Variants in TSHZ3 observed in about 807,000 individuals in gnomAD.
TSHZ3 encodes teashirt homolog 3.
A neutral mutation model predicts 64.5 loss-of-function variants in TSHZ3; 10 were observed. That is an observed-to-expected ratio of 0.16 (90% CI 0.10 to 0.26). TSHZ3 has a LOEUF of 0.26. TSHZ3 is among the 10% of genes least tolerant of loss of function. The probability of loss-of-function intolerance (pLI) is 1.00; values close to 1 mark genes in which losing one functional copy is unlikely to be tolerated. For missense variants in TSHZ3, 1,242 were observed against 1,421.7 expected, an observed-to-expected ratio of 0.87 and a Z score of 2.03; for synonymous variants, 608 against 593.1, an observed-to-expected ratio of 1.03 and a Z score of -0.36.
At chr19:31,258,759 T>TC (rs1360367723) in intron 1 of TSHZ3, among the ~76,000 whole-genome samples, 14 of 152,318 alleles carry the variant, frequency 9.2e-5, no homozygotes, top group African/African-American at 3.4e-4. Context: ...CAATGTAGTC[T>TC]CCCGGGGAGA....
At chr19:31,304,892 A>G (rs543280770) in intron 1 of TSHZ3, among the ~76,000 whole-genome samples, 1 of 152,372 alleles carries the variant, frequency 6.6e-6, no homozygotes, top group Non-Finnish European at 1.5e-5. Context: ...ACTCCTTGAC[A>G]TTTAGCATTC....
chr19:31,346,065 A>G (rs1210521014), intron 1 of TSHZ3, among the ~76,000 whole-genome samples: 2 of 152,212 alleles, frequency 1.3e-5, no homozygotes, highest in Non-Finnish European at 2.9e-5. Flanking sequence ...TAAGCCATAC[A>G]TAGTTTCTAT....
At position 31,249,756 on chromosome 19, in the gene TSHZ3, G is replaced by A. The variant is rs191841891; in HGVS notation, n.64-6881C>T. 1.7e-3 allele frequency among the ~76,000 whole-genome samples: 262 copies of A among 152,174 alleles called. 2 individuals are homozygous for A. The highest frequency in any genetic ancestry group is 6.0e-3 in the African/African-American group (251 of 41,550). The stretch of plus-strand genomic sequence containing the variant: ...CAGAGATAGGGCCAGACAGGCCTCC[G>A]CCCCTCCCTCTGGCAGGTCCTTCAT... On this transcript the variant is annotated intron_variant and non_coding_transcript_variant, in intron 1 of 6. Coordinates refer to the TSHZ3 transcript ENST00000651361.
At chr19:31,152,869 C>G (rs939382068) in intron 6 of TSHZ3, among the ~76,000 whole-genome samples, 4 of 152,166 alleles carry the variant, frequency 2.6e-5, no homozygotes, top group Non-Finnish European at 5.9e-5. Flanking sequence ...GGAAGCAACT[C>G]AAAGTCCCAA....
chr19:31,246,965 A>C (rs1480942934), intron 1 of TSHZ3, among the ~76,000 whole-genome samples: 2 of 152,194 alleles, frequency 1.3e-5, no homozygotes, highest in South Asian at 4.1e-4. Context: ...CACAAAAATA[A>C]ATAATGATTG....
intron 1 of TSHZ3, among the ~76,000 whole-genome samples, chr19:31,263,457 G>A (rs1299622329): frequency 1.3e-5 from 2 of 152,142 alleles, no homozygotes; most frequent in African/African-American, 4.8e-5. Context: ...CCCCAGCAGC[G>A]AGCACGAGGA....
At chr19:31,218,819 G>C (rs971166798) in intron 4 of TSHZ3, among the ~76,000 whole-genome samples, 10 of 152,330 alleles carry the variant, frequency 6.6e-5, no homozygotes, top group African/African-American at 2.2e-4. Flanking sequence ...GCTACATGCT[G>C]TATGATTCTA....
At chr19:31,310,124 T>C (rs888905749) in intron 1 of TSHZ3, among the ~76,000 whole-genome samples, 3 of 152,220 alleles carry the variant, frequency 2.0e-5, no homozygotes, top group Admixed American at 6.5e-5. Flanking sequence ...CCTGGAACTG[T>C]GGGGCCCATT....
chr19:31,169,584 G>C (rs1974507320), intron 5 of TSHZ3, among the ~76,000 whole-genome samples: 2 of 152,060 alleles, frequency 1.3e-5, no homozygotes, highest in African/African-American at 4.8e-5. Context: ...TAATACCACT[G>C]AGTTGTACAC....
At chr19:31,194,431 C>T (rs1974956226) in intron 5 of TSHZ3, among the ~76,000 whole-genome samples, 1 of 152,168 alleles carries the variant, frequency 6.6e-6, no homozygotes, top group South Asian at 2.1e-4. Flanking sequence ...CTTATCTCAC[C>T]TGGAAGAAAG....
At chr19:31,283,947 G>A (rs1214703380) in intron 1 of TSHZ3, among the ~76,000 whole-genome samples, 2 of 152,150 alleles carry the variant, frequency 1.3e-5, no homozygotes, top group Non-Finnish European at 2.9e-5. Flanking sequence ...GGGCTGTCGA[G>A]AACCTGGTCC....
At chr19:31,218,185 C>T (rs949669378) in intron 4 of TSHZ3, among the ~76,000 whole-genome samples, 2 of 152,184 alleles carry the variant, frequency 1.3e-5, no homozygotes, top group South Asian at 2.1e-4. Context: ...TGTACAAGAA[C>T]ACTTAAAACT....
At chr19:31,256,034 C>T (rs1361167710) in intron 1 of TSHZ3, among the ~76,000 whole-genome samples, 2 of 152,166 alleles carry the variant, frequency 1.3e-5, no homozygotes, top group East Asian at 1.9e-4. Context: ...GCAGGGGTGG[C>T]GCCAAAACTG....
chr19:31,313,342 G>A (rs186172341), intron 1 of TSHZ3, among the ~76,000 whole-genome samples: 282 of 152,334 alleles, frequency 1.9e-3, no homozygotes, highest in Non-Finnish European at 2.6e-3. Context: ...AATTTGCAGT[G>A]AGCCATTATC....
chr19:31,300,388 T>C (rs1352879837), intron 1 of TSHZ3, among the ~76,000 whole-genome samples: 2 of 152,238 alleles, frequency 1.3e-5, no homozygotes, highest in African/African-American at 4.8e-5. Context: ...TGAATGCTTA[T>C]AGATCAGGGC....
intron 5 of TSHZ3, among the ~76,000 whole-genome samples, chr19:31,159,202 T>C (rs1974341538): frequency 6.6e-6 from 1 of 152,180 alleles, no homozygotes; most frequent in South Asian, 2.1e-4. Context: ...GGTTTCACCA[T>C]TTTGGCCAGG....
chr19:31,329,508 A>G (rs1008508931), intron 1 of TSHZ3, among the ~76,000 whole-genome samples: 2 of 152,236 alleles, frequency 1.3e-5, no homozygotes, highest in African/African-American at 4.8e-5. Context: ...GCTTTTGGTC[A>G]TCATCTTACC....
intron 1 of TSHZ3, among the ~76,000 whole-genome samples, chr19:31,335,713 G>C (rs1917222795): frequency 6.6e-6 from 1 of 152,192 alleles, no homozygotes; most frequent in African/African-American, 2.4e-5. Context: ...CCAGCCTCCT[G>C]AACAGGTGAG....
chr19:31,201,830 T>C (rs959539657), intron 5 of TSHZ3, among the ~76,000 whole-genome samples: 3 of 152,164 alleles, frequency 2.0e-5, no homozygotes, highest in African/African-American at 7.2e-5. Context: ...CAGTTTTTAA[T>C]GGAAATATCA....
Sources: allele counts gnomAD v4.1 joint callset (sites outside exome capture counted in the v4.1 genomes callset), GRCh38; gene constraint gnomAD v4.1.1; transcripts MANE v1.5; gene names NCBI Gene and HGNC (gene_info 2026-07-23, HGNC 2026-07-21).